PCDHA1: variants seen among roughly 807,000 people sequenced by gnomAD.
The protein encoded by PCDHA1 is protocadherin alpha-1.
In PCDHA1, 42 loss-of-function variants were observed where a neutral mutation model predicts 61.3. The ratio of observed to expected loss-of-function variants is 0.69; its 90% CI spans 0.54 to 0.89. The LOEUF (loss-of-function observed/expected upper bound fraction) is 0.89. PCDHA1 is among the 40% of genes least tolerant of loss of function. The probability of loss-of-function intolerance (pLI) is 0.00; values close to 1 mark genes in which losing one functional copy is unlikely to be tolerated. For synonymous variants in PCDHA1, 610 were observed against 553.8 expected, an observed-to-expected ratio of 1.10 and a Z score of -1.43; for missense variants, 1,256 against 1,235.3, an observed-to-expected ratio of 1.02 and a Z score of -0.25.
At position 140,882,396 on chromosome 5, in the gene PCDHA1, C is replaced by G; in HGVS notation, c.2394+93712C>G. The G allele has an allele frequency of 1.9e-6, 3 of 1,614,196 alleles. No homozygotes were observed. In the South Asian group the frequency reaches 3.3e-5, roughly 18 times the overall value. On this transcript the variant is annotated intron_variant, in intron 1 of 3. Transcript: ENST00000504120. ...GTCCCCGAGGAAGCAAAACACGGCA[C>G]CTTCGTGGGCCGCATCGCTCAGGAC...
chr5:140,902,142 A>T (rs2069127125), intron 1 of PCDHA1, among the ~76,000 whole-genome samples: 1 of 151,120 alleles, frequency 6.6e-6, no homozygotes, highest in African/African-American at 2.4e-5. Flanking sequence ...GCAAACAAGG[A>T]TAATTTGATT....
intron 1 of PCDHA1, chr5:140,857,742 TG>T (rs1562528366): frequency 1.3e-6 from 2 of 1,597,278 alleles, no homozygotes; most frequent in African/African-American, 2.7e-5. Context: ...CCCGCGCTGC[TG>T]GCGTCTCCCG....
intron 1 of PCDHA1, chr5:140,884,538 G>C: frequency 6.2e-7 from 1 of 1,614,112 alleles, no homozygotes; most frequent in Non-Finnish European, 8.5e-7. Flanking sequence ...AGGCGGCCGA[G>C]GGTGTGCTCT....
At chr5:140,860,155 ATATATATATG>A (rs1439486095) in intron 1 of PCDHA1, 1 of 149,648 alleles carries the variant, frequency 6.7e-6, no homozygotes, top group Non-Finnish European at 1.5e-5. Flanking sequence ...ATATATGTGT[ATATATATATG>A]TATATATATA....
intron 1 of PCDHA1, among the ~76,000 whole-genome samples, chr5:140,794,278 A>G (rs1201133987): frequency 6.6e-6 from 1 of 152,250 alleles, no homozygotes; most frequent in African/African-American, 2.4e-5. Context: ...AACGTGGTGT[A>G]TACATACGAT....
rs1320713440 is a variant in PCDHA1 at position 140,808,342 on chromosome 5, C to T, written c.2394+19658C>T. 3.1e-6 allele frequency: 5 copies of T among 1,614,132 alleles called. No homozygotes were observed. The East Asian group carries it at 1.1e-4, about 36-fold the overall frequency. On this transcript the variant is annotated intron_variant, in intron 1 of 3. Transcript: ENST00000504120. ...AAGACATGGGTGTCAATGGGCTGGT[C>T]ACCTGCTCCTTGACGTCCCACGTCC...
At chr5:140,987,211 C>A (rs1190567678) in intron 3 of PCDHA1, among the ~76,000 whole-genome samples, 1 of 145,070 alleles carries the variant, frequency 6.9e-6, no homozygotes, top group South Asian at 2.1e-4. Flanking sequence ...GAGACTCCAT[C>A]TCAAAAAAAA....
rs2153592349 is a variant in PCDHA1 at position 140,927,874 on chromosome 5, G to A, written c.2395-51075G>A. 1.9e-6 allele frequency: 3 copies of A among 1,614,102 alleles called. No individual in the cohort carries two copies. The East Asian group carries it at 6.7e-5, about 36-fold the overall frequency. Reference sequence around the variant, plus strand: ...TTTAGCTAGCACCGCTAAACTGCTGGTGGAGGTGACTGACGTGAACGATCA... The same window carrying A: ...TTTAGCTAGCACCGCTAAACTGCTGATGGAGGTGACTGACGTGAACGATCA... On this transcript the variant is annotated intron_variant, in intron 1 of 3. Coordinates refer to ENST00000504120, the MANE Select transcript of PCDHA1 (RefSeq NM_018900.4).
rs138671187 is a variant in PCDHA1, at chr5:140,836,499, G to A, written c.2394+47815G>A. 28 of 1,613,758 alleles carry A rather than the reference G, an allele frequency of 1.7e-5. No individual in the cohort carries two copies. In the African/African-American group the frequency reaches 2.8e-4, roughly 16 times the overall value. ...CGTGTACCTGATCATCGCCATCTGC[G>A]CGGTGTCCAGTCTGTTGGTGCTTAC... On this transcript the variant is annotated intron_variant, in intron 1 of 3. Transcript: ENST00000504120.
intron 1 of PCDHA1, among the ~76,000 whole-genome samples, chr5:140,955,453 C>T (rs1372474602): frequency 6.6e-6 from 1 of 152,012 alleles, no homozygotes; most frequent in Admixed American, 6.6e-5. Context: ...TTTATAAGGG[C>T]TTTTTCCTTT....
chr5:140,825,311 T>G (rs1360273212), intron 1 of PCDHA1: 2 of 149,360 alleles, frequency 1.3e-5, no homozygotes, highest in Non-Finnish European at 3.0e-5. Flanking sequence ...AACAATGATT[T>G]AATTTTCTGG....
At chr5:140,903,416 T>A (rs2070284951) in intron 1 of PCDHA1, among the ~76,000 whole-genome samples, 1 of 152,184 alleles carries the variant, frequency 6.6e-6, no homozygotes, top group Admixed American at 6.5e-5. Flanking sequence ...TCAGGAAAAA[T>A]TCAGCACAAT....
chr5:140,985,845 C>T (rs1381097554), intron 3 of PCDHA1, among the ~76,000 whole-genome samples: 1 of 150,700 alleles, frequency 6.6e-6, no homozygotes, highest in African/African-American at 2.4e-5. Flanking sequence ...GTTCATGCCA[C>T]TCTCCTGCCT....
In PCDHA1 at chr5:140,857,166, T is replaced by A. The variant is rs1554149611; in HGVS notation, c.2394+68482T>A. ...GGCACCGTCATTGCCCTAATCAGCG[T>A]TTCTGACCATGATTCAGGAGCCAAC... On this transcript the variant is annotated intron_variant, in intron 1 of 3. Transcript: ENST00000504120. 3.1e-6 allele frequency: 5 copies of A among 1,598,172 alleles called. No homozygotes were observed. The African/African-American group carries it at 5.4e-5, about 17-fold the overall frequency.
intron 1 of PCDHA1, among the ~76,000 whole-genome samples, chr5:140,902,447 G>A (rs1004773008): frequency 2.6e-5 from 4 of 152,024 alleles, no homozygotes; most frequent in Non-Finnish European, 4.4e-5. Flanking sequence ...TCATATTCTA[G>A]ATCCTAGAGA....
chr5:140,857,555 C>G, intron 1 of PCDHA1: 1 of 1,597,062 alleles, frequency 6.3e-7, no homozygotes, highest in East Asian at 2.2e-5. Flanking sequence ...CGAGCGCTCG[C>G]TGTCGAGCTA....
chr5:140,828,240 A>C (rs2150152921), intron 1 of PCDHA1: 1 of 1,613,948 alleles, frequency 6.2e-7, no homozygotes, highest in South Asian at 1.1e-5. Flanking sequence ...CGGATCGCGC[A>C]GGACCTGGGG....
chr5:140,794,453 G>T (rs926783733), intron 1 of PCDHA1, among the ~76,000 whole-genome samples: 2 of 152,214 alleles, frequency 1.3e-5, no homozygotes, highest in African/African-American at 4.8e-5. Flanking sequence ...CATAGAAATA[G>T]AAAATAGGAC....
chr5:140,829,782 C>T (rs2150174581), intron 1 of PCDHA1: 1 of 1,613,798 alleles, frequency 6.2e-7, no homozygotes. Flanking sequence ...AACGCGCCGG[C>T]GCTGCTGGCG....
Sources: allele counts gnomAD v4.1 joint callset (sites outside exome capture counted in the v4.1 genomes callset), GRCh38; gene constraint gnomAD v4.1.1; transcripts MANE v1.5; gene names NCBI Gene and HGNC (gene_info 2026-07-23, HGNC 2026-07-21).